The following CELF2 variants were observed in gnomAD, a reference collection of about 807,000 sequenced individuals.
CELF2 encodes CUGBP Elav-like family member 2, also known as CUG triplet repeat RNA-binding protein 2.
A neutral mutation model predicts 62.6 loss-of-function variants in CELF2; 8 were observed. The ratio of observed to expected loss-of-function variants is 0.13; its 90% confidence interval spans 0.07 to 0.23. The LOEUF (loss-of-function observed/expected upper bound fraction) is 0.23, where lower values mean the gene tolerates loss of function less well. Ranked by LOEUF, CELF2 falls within the 10% of genes least tolerant of loss-of-function variation. CELF2 has a pLI of 1.00. For missense variants in CELF2, 333 were observed against 671.0 expected (o/e 0.50, Z 5.56); for synonymous variants, 258 against 250.0 (o/e 1.03, Z -0.30).
chr10:11,114,811 C>T (rs930359519), intron 1 of CELF2, among the ~76,000 whole-genome samples: 5 of 152,154 alleles, frequency 3.3e-5, no homozygotes, highest in South Asian at 2.1e-4. Context: ...ACAGAAGATG[C>T]GATCATTTAT....
At chr10:11,253,427 A>G (rs1292816891) in intron 4 of CELF2, among the ~76,000 whole-genome samples, 1 of 152,240 alleles carries the variant, frequency 6.6e-6, no homozygotes, top group African/African-American at 2.4e-5. Flanking sequence ...CTCCATTAAA[A>G]ATAGGAATCA....
chr10:10,919,101 C>A (rs1475182949), intron 1 of CELF2, among the ~76,000 whole-genome samples: 2 of 152,046 alleles, frequency 1.3e-5, no homozygotes, highest in African/African-American at 4.8e-5. Flanking sequence ...AAAAACCTGT[C>A]TCTACTAAAA....
At chr10:10,987,249 A>G (rs1216197119) in intron 2 of CELF2, among the ~76,000 whole-genome samples, 2 of 138,736 alleles carry the variant, frequency 1.4e-5, no homozygotes, top group African/African-American at 6.7e-5. Context: ...ACAGCTCTCT[A>G]GAGATCTTTT....
At chr10:10,583,730 T>A in the CELF2 span, among the ~76,000 whole-genome samples, 1 of 152,164 alleles carries the variant, frequency 6.6e-6, no homozygotes, top group Non-Finnish European at 1.5e-5. Flanking sequence ...AGACCGAGAC[T>A]GGCACTATCC....
At chr10:11,003,014 AAAGACTT>A (rs1379055633), upstream of CELF2, among the ~76,000 whole-genome samples, 1 of 152,214 alleles carries the variant, frequency 6.6e-6, no homozygotes, top group Non-Finnish European at 1.5e-5. The surrounding 1 kb of genome is among the most constrained non-coding windows in gnomAD (Gnocchi z 4.4). Flanking sequence ...TGGGGAGGTC[AAAGACTT>A]ACTATATACA....
At chr10:10,647,790 G>A in the CELF2 span, among the ~76,000 whole-genome samples, 2 of 152,120 alleles carry the variant, frequency 1.3e-5, no homozygotes, top group East Asian at 3.9e-4. Context: ...TGTTTTAATG[G>A]GCTTACCACT....
intron 1 of CELF2, among the ~76,000 whole-genome samples, chr10:10,856,566 C>T (rs2059722377): frequency 6.6e-6 from 1 of 152,098 alleles, no homozygotes; most frequent in Non-Finnish European, 1.5e-5. Flanking sequence ...AAGAAATAAT[C>T]TTCTCATTGC....
intron 8 of CELF2, among the ~76,000 whole-genome samples, chr10:11,275,564 C>T (rs1264283400): frequency 6.6e-6 from 1 of 152,154 alleles, no homozygotes; most frequent in African/African-American, 2.4e-5. Flanking sequence ...GATTGCAGGC[C>T]TATCTTTGAT....
At chr10:10,547,896 C>G in the CELF2 span, among the ~76,000 whole-genome samples, 3 of 152,070 alleles carry the variant, frequency 2.0e-5, no homozygotes, top group Non-Finnish European at 4.4e-5. Flanking sequence ...GAATATTTTC[C>G]TTTGTTGTGG....
chr10:11,133,987 A>G (rs1299526005), intron 1 of CELF2, among the ~76,000 whole-genome samples: 3 of 152,168 alleles, frequency 2.0e-5, no homozygotes, highest in Non-Finnish European at 4.4e-5. Flanking sequence ...GTTTGTCACA[A>G]ATAGGTTCTC....
At chr10:10,908,587 G>A (rs1288039932) in intron 1 of CELF2, among the ~76,000 whole-genome samples, 1 of 151,936 alleles carries the variant, frequency 6.6e-6, no homozygotes, top group African/African-American at 2.4e-5. Flanking sequence ...TTATCTTCAG[G>A]AGAAAGAAGC....
At chr10:11,136,854 G>A (rs549947213) in intron 1 of CELF2, among the ~76,000 whole-genome samples, 18 of 152,022 alleles carry the variant, frequency 1.2e-4, no homozygotes, top group African/African-American at 1.7e-4. Flanking sequence ...ATTTGCTGCC[G>A]TAAGGTATTT....
the CELF2 span, among the ~76,000 whole-genome samples, chr10:10,641,275 G>C: frequency 6.6e-6 from 1 of 152,178 alleles, no homozygotes; most frequent in Non-Finnish European, 1.5e-5. Context: ...ACGTGACTTA[G>C]TTTCTGTTTC....
rs1012708314 is a variant in CELF2 at position 11,290,123 on chromosome 10, A to G, written c.976+1571A>G. On this transcript the variant is annotated intron_variant, in intron 9 of 12. Transcript: ENST00000633077. This position sits in a 1 kb window ranked among gnomAD's most constrained non-coding sequence, Gnocchi z 4.3. ...GTGTAGCTAAGATAACTCAAAAATC[A>G]TATCCCAAAAGCGCTTTGTGGTGTG... 6.6e-6 allele frequency among the ~76,000 whole-genome samples: 1 copy of G among 152,214 alleles called. No homozygotes were observed.
the CELF2 span, among the ~76,000 whole-genome samples, chr10:10,653,049 A>C: frequency 5.7e-4 from 87 of 152,302 alleles, no homozygotes; most frequent in South Asian, 1.9e-3. Flanking sequence ...AAAACAAAAA[A>C]AGGCAGGGGT....
At position 11,242,882 on chromosome 10, in the gene CELF2, G is replaced by A. The variant is rs921671018; in HGVS notation, c.355-6271G>A. ...GGAGGCCTGATGCTGGGAGGCTTGT[G>A]TGGTCCGCCACCAACAGATGGCTCC... On this transcript the variant is annotated intron_variant, in intron 3 of 12. Coordinates refer to ENST00000633077, the MANE Select transcript of CELF2 (RefSeq NM_001326342.2). The surrounding 1 kb of genome is among the most constrained non-coding windows in gnomAD (Gnocchi z 4.8). Among the ~76,000 whole-genome samples, 1 of 152,188 alleles carries A rather than the reference G, an allele frequency of 6.6e-6. No homozygotes were observed. The highest frequency in any genetic ancestry group is 6.5e-5 in the Admixed American group (1 of 15,288).
At chr10:10,489,548 C>T in the CELF2 span, among the ~76,000 whole-genome samples, 1,655 of 152,102 alleles carry the variant, frequency 0.011, 69 homozygotes, top group Admixed American at 0.087. Context: ...AGTGAGTATA[C>T]GGTGTATATT....
the CELF2 span, among the ~76,000 whole-genome samples, chr10:10,566,308 G>GA: frequency 8.5e-3 from 1,254 of 147,152 alleles, 16 homozygotes; most frequent in African/African-American, 0.028. Context: ...AAACATGCAG[G>GA]AAAAAAAAAA....
intron 1 of CELF2, among the ~76,000 whole-genome samples, chr10:11,076,165 G>A (rs1371442151): frequency 6.6e-6 from 1 of 151,956 alleles, no homozygotes; most frequent in Non-Finnish European, 1.5e-5. Context: ...ATACATGGGG[G>A]AAGCTTGTTA....
Sources: allele counts gnomAD v4.1 joint callset (sites outside exome capture counted in the v4.1 genomes callset), GRCh38; gene constraint gnomAD v4.1.1; non-coding constraint Gnocchi (gnomAD v3.1); transcripts MANE v1.5; gene names NCBI Gene and HGNC (gene_info 2026-07-23, HGNC 2026-07-21).